FOXJ3: variants seen among roughly 807,000 people sequenced by gnomAD.
FOXJ3 encodes forkhead box J3, also known as forkhead box protein J3.
Under a neutral mutation model 76.1 loss-of-function variants are expected in FOXJ3, and 22 were observed. The ratio of observed to expected loss-of-function variants is 0.29; its 90% CI spans 0.21 to 0.41. The LOEUF is 0.41. Among genes scored for constraint, FOXJ3 ranks in the 10% least tolerant of loss-of-function variants. FOXJ3 has a pLI of 1.00. For missense variants in FOXJ3, 613 were observed against 762.1 expected, an observed-to-expected ratio of 0.80 and a Z score of 2.30; for synonymous variants, 269 against 261.2, an observed-to-expected ratio of 1.03 and a Z score of -0.29.
intron 2 of FOXJ3, among the ~76,000 whole-genome samples, chr1:42,284,467 G>GA (rs1652926607): frequency 6.6e-6 from 1 of 152,216 alleles, no homozygotes; most frequent in Admixed American, 6.5e-5. Context: ...AGAAGAGACA[G>GA]AGAAAGTACA....
chr1:42,235,268 T>A (rs1291114529), intron 4 of FOXJ3, among the ~76,000 whole-genome samples: 1 of 152,210 alleles, frequency 6.6e-6, no homozygotes, highest in Non-Finnish European at 1.5e-5. Flanking sequence ...AGTATTAGGG[T>A]GGGAGTGACC....
In FOXJ3 at chr1:42,189,372, T is replaced by C. The variant is rs1463050719; in HGVS notation, c.1384A>G (p.Met462Val). The C allele has an allele frequency of 3.1e-6, 5 of 1,613,216 alleles. No individual in the cohort carries two copies. Among genetic ancestry groups the C allele is most frequent in the Non-Finnish European group, 4.2e-6 (5 of 1,179,330 alleles). The change falls in exon 10 of 13, where the codon ATG (methionine) becomes GTG (valine). Residue 462 changes from methionine to valine, a missense_variant. This residue lies in a region of FOXJ3 where 526 missense variants were observed against 601.4 expected (regional missense o/e 0.87). Coordinates refer to ENST00000361346, the MANE Select transcript of FOXJ3 (RefSeq NM_014947.5). ...VSNDWYATLD[M>V]LKESCRIASS... is the part of the protein sequence containing the mutation. ...GCAATTCGACAGCTTTCTTTTAGCA[T>C]ATCAAGTGTCGCATACCAATCATTT...
At chr1:42,305,695 T>C (rs1381499124) in intron 2 of FOXJ3, among the ~76,000 whole-genome samples, 1 of 152,140 alleles carries the variant, frequency 6.6e-6, no homozygotes, top group Non-Finnish European at 1.5e-5. Context: ...AGAAGGATCG[T>C]TGGTTACCAG....
At chr1:42,263,504 C>T (rs1651220138) in intron 4 of FOXJ3, among the ~76,000 whole-genome samples, 1 of 152,014 alleles carries the variant, frequency 6.6e-6, no homozygotes, top group African/African-American at 2.4e-5. Flanking sequence ...TTGTAATAAG[C>T]CTCCTTTCCT....
intron 1 of FOXJ3, among the ~76,000 whole-genome samples, chr1:42,326,650 G>A (rs1177681519): frequency 8.5e-5 from 13 of 152,138 alleles, no homozygotes; most frequent in Non-Finnish European, 2.9e-5. Context: ...CTTAACTCCT[G>A]AATTCTACGA....
intron 4 of FOXJ3, among the ~76,000 whole-genome samples, chr1:42,237,525 C>T (rs951238040): frequency 9.7e-5 from 14 of 144,734 alleles, no homozygotes; most frequent in South Asian, 4.3e-4. Flanking sequence ...TTTAATATTC[C>T]GAATAACGAG....
At chr1:42,236,793 A>T (rs1454866758) in intron 4 of FOXJ3, among the ~76,000 whole-genome samples, 1 of 152,230 alleles carries the variant, frequency 6.6e-6, no homozygotes, top group Non-Finnish European at 1.5e-5. Flanking sequence ...ATGACAATAC[A>T]GCTTTTCCGT....
intron 4 of FOXJ3, among the ~76,000 whole-genome samples, chr1:42,248,487 T>C (rs910835689): frequency 2.0e-5 from 3 of 150,964 alleles, no homozygotes; most frequent in East Asian, 3.9e-4. Context: ...TGAGCCGAGA[T>C]TGCGCCACTG....
At chr1:42,312,620 A>G (rs1406488722) in intron 1 of FOXJ3, among the ~76,000 whole-genome samples, 1 of 152,262 alleles carries the variant, frequency 6.6e-6, no homozygotes, top group African/African-American at 2.4e-5. Flanking sequence ...CTTGACAGAA[A>G]ATGAGGTATG....
intron 2 of FOXJ3, among the ~76,000 whole-genome samples, chr1:42,287,972 AT>A (rs1384071908): frequency 6.6e-6 from 1 of 152,220 alleles, no homozygotes; most frequent in Non-Finnish European, 1.5e-5. Context: ...TCACAAAAAA[AT>A]AAAATAAAAA....
intron 4 of FOXJ3, among the ~76,000 whole-genome samples, chr1:42,243,223 C>T (rs1649288551): frequency 9.1e-6 from 1 of 110,204 alleles, no homozygotes; most frequent in Admixed American, 1.1e-4. Flanking sequence ...TATTTACCAT[C>T]AAGAAAACAC....
intron 3 of FOXJ3, among the ~76,000 whole-genome samples, chr1:42,272,334 T>C (rs1029302031): frequency 6.6e-6 from 1 of 152,118 alleles, no homozygotes; most frequent in African/African-American, 2.4e-5. Context: ...GGAGAGTGAA[T>C]GGGAAGTAAA....
At chr1:42,248,730 C>CTTTTTTTTTTTTTTTTTTTTTT (rs4019587) in intron 4 of FOXJ3, among the ~76,000 whole-genome samples, 2 of 92,192 alleles carry the variant, frequency 2.2e-5, no homozygotes, top group African/African-American at 4.0e-5. Context: ...CCTGTTTTTT[C>CTTTTTTTTTTTTTTTTTTTTTT]TTTTTTTTTT....
intron 2 of FOXJ3, among the ~76,000 whole-genome samples, chr1:42,308,595 C>A (rs1654609558): frequency 6.6e-6 from 1 of 152,038 alleles, no homozygotes; most frequent in Admixed American, 6.6e-5. Flanking sequence ...TGCCGTAGGG[C>A]TTCTCGGTTT....
intron 4 of FOXJ3, among the ~76,000 whole-genome samples, chr1:42,257,560 G>GA (rs1263691783): frequency 1.3e-5 from 2 of 151,522 alleles, no homozygotes; most frequent in Non-Finnish European, 2.9e-5. Flanking sequence ...TACTGAAAAA[G>GA]AAAAAAATAC....
At chr1:42,298,141 T>A (rs1042619609) in intron 2 of FOXJ3, among the ~76,000 whole-genome samples, 1 of 152,178 alleles carries the variant, frequency 6.6e-6, no homozygotes, top group Non-Finnish European at 1.5e-5. Context: ...TGCTCAGCAC[T>A]TCTCCTTCCT....
intron 11 of FOXJ3, among the ~76,000 whole-genome samples, chr1:42,184,644 T>C (rs1464943428): frequency 6.6e-6 from 1 of 151,984 alleles, no homozygotes; most frequent in Non-Finnish European, 1.5e-5. Flanking sequence ...TTGGGCATGT[T>C]GGGTAGGGGC....
chr1:42,201,588 T>C (rs1646765769), intron 6 of FOXJ3, among the ~76,000 whole-genome samples: 1 of 152,240 alleles, frequency 6.6e-6, no homozygotes, highest in Non-Finnish European at 1.5e-5. Context: ...GTGTTTGTGA[T>C]GTTATCTTTT....
intron 2 of FOXJ3, among the ~76,000 whole-genome samples, chr1:42,303,347 T>C (rs1654273002): frequency 1.3e-5 from 2 of 152,214 alleles, no homozygotes; most frequent in East Asian, 3.8e-4. Flanking sequence ...TTAAAGTGCT[T>C]AAATAATGCC....
Sources: gnomAD v4.1 joint callset for allele counts (sites outside exome capture counted in the v4.1 genomes callset) on GRCh38, gnomAD v4.1.1 for gene constraint, gnomAD v4.1.1 regional missense constraint, MANE v1.5 for transcripts, NCBI Gene and HGNC (gene_info 2026-07-23, HGNC 2026-07-21) for gene names.